The following STMN2 variants were observed in gnomAD, a reference collection of about 807,000 sequenced individuals.
STMN2 encodes stathmin 2.
Under a neutral mutation model 24.1 loss-of-function variants are expected in STMN2, and 2 were observed. That is an observed-to-expected ratio of 0.08 (90% CI 0.03 to 0.26). STMN2 has a LOEUF of 0.26. Among genes scored for constraint, STMN2 ranks in the 10% least tolerant of loss-of-function variants. The probability of loss-of-function intolerance (pLI) is 1.00; values close to 1 mark genes in which losing one functional copy is unlikely to be tolerated. For synonymous variants in STMN2, 83 were observed against 77.5 expected (o/e 1.07, Z -0.37); for missense variants, 114 against 213.6 (o/e 0.53, Z 2.91).
chr8:79,612,920 G>A (rs1809275266), intron 1 of STMN2, among the ~76,000 whole-genome samples: 1 of 152,120 alleles, frequency 6.6e-6, no homozygotes, highest in Non-Finnish European at 1.5e-5. Flanking sequence ...AGCACCCCTT[G>A]ATGTGCGCAG....
At position 79,655,075 on chromosome 8, in the gene STMN2, G is replaced by C; in HGVS notation, c.480+13G>C. 6.2e-7 allele frequency: 1 copy of C among 1,613,550 alleles called. No individual in the cohort carries two copies. The highest frequency in any genetic ancestry group is 8.5e-7 in the Non-Finnish European group (1 of 1,179,680). On this transcript the variant is annotated intron_variant, in intron 4 of 4. Transcript: ENST00000220876. ...TCTGCAGGAAAAGGTAATCTCAGCA[G>C]AGTCCTGAGCAGATGGATATATTCA...
At chr8:79,614,407 T>C (rs1809333327) in intron 1 of STMN2, among the ~76,000 whole-genome samples, 1 of 152,182 alleles carries the variant, frequency 6.6e-6, no homozygotes, top group Non-Finnish European at 1.5e-5. Context: ...TAACTAGAAA[T>C]GAAAAGCTGA....
chr8:79,634,060 C>T (rs1008752420), intron 1 of STMN2, among the ~76,000 whole-genome samples: 15 of 152,164 alleles, frequency 9.9e-5, no homozygotes, highest in African/African-American at 3.6e-4. Flanking sequence ...ATTGACCCTT[C>T]TTAATAAAGT....
chr8:79,664,768 A>G (rs537286798), intron 4 of STMN2, 47 bp from the exon 5 acceptor site: 21 of 1,599,578 alleles, frequency 1.3e-5, no homozygotes, highest in Admixed American at 1.7e-5. Flanking sequence ...GCAAAGGACC[A>G]GACAAAAAGG....
chr8:79,644,678 T>C (rs1350581795), intron 3 of STMN2, among the ~76,000 whole-genome samples: 2 of 152,196 alleles, frequency 1.3e-5, no homozygotes, highest in Admixed American at 1.3e-4. Flanking sequence ...AACAAAACTA[T>C]AGATGTCCAC....
At chr8:79,620,258 ATATGT>A (rs1424179621) in intron 1 of STMN2, among the ~76,000 whole-genome samples, 2 of 149,744 alleles carry the variant, frequency 1.3e-5, no homozygotes, top group Non-Finnish European at 3.0e-5. Context: ...TAATATATAA[ATATGT>A]TATATATCAT....
chr8:79,624,720 C>A (rs1809611978), intron 1 of STMN2, among the ~76,000 whole-genome samples: 1 of 152,136 alleles, frequency 6.6e-6, no homozygotes, highest in African/African-American at 2.4e-5. Context: ...GCTAAGAAGT[C>A]AAGAAGGATT....
intron 1 of STMN2, among the ~76,000 whole-genome samples, chr8:79,624,453 C>CAAAAAAAAAAAAA (rs1011493193): frequency 1.6e-4 from 7 of 45,106 alleles, no homozygotes; most frequent in Admixed American, 2.6e-4. Flanking sequence ...GACTCCGTCT[C>CAAAAAAAAAAAAA]AAAAAAAAAA....
rs547810740 is a variant in STMN2 at position 79,654,810 on chromosome 8, C to T, written c.289-61C>T. ...AAGAATGCTCCCTCCAATTGGTGGG[C>T]CGTTATTCTGCTAGGTTTGTGTTTG... On this transcript the variant is annotated intron_variant, in intron 3 of 4. Coordinates refer to ENST00000220876, the MANE Select transcript of STMN2 (RefSeq NM_007029.4). 3.9e-6 allele frequency: 6 copies of T among 1,545,592 alleles called. No individual in the cohort carries two copies. The African/African-American group carries it at 6.9e-5, about 18-fold the overall frequency.
chr8:79,625,106 C>A (rs551147572), intron 1 of STMN2, among the ~76,000 whole-genome samples: 1 of 152,274 alleles, frequency 6.6e-6, no homozygotes. Context: ...AGTCGAGTTT[C>A]AAATCTAATG....
chr8:79,636,535 G>A (rs779272354), intron 1 of STMN2, among the ~76,000 whole-genome samples: 1 of 151,646 alleles, frequency 6.6e-6, no homozygotes, highest in Non-Finnish European at 1.5e-5. Context: ...TAATTCCTTC[G>A]ACCTTCCTTT....
intron 4 of STMN2, among the ~76,000 whole-genome samples, chr8:79,656,883 T>G (rs1312165304): frequency 6.6e-6 from 1 of 150,516 alleles, no homozygotes; most frequent in Admixed American, 6.6e-5. Flanking sequence ...TTTGTTTGTT[T>G]GTTTTTTTGA....
At chr8:79,644,485 C>T (rs1331110576) in intron 3 of STMN2, among the ~76,000 whole-genome samples, 1 of 152,146 alleles carries the variant, frequency 6.6e-6, no homozygotes, top group African/African-American at 2.4e-5. Flanking sequence ...CAGGCCCAAC[C>T]CAGAACCAAT....
chr8:79,622,186 T>G (rs1210861942), intron 1 of STMN2, among the ~76,000 whole-genome samples: 1 of 152,130 alleles, frequency 6.6e-6, no homozygotes, highest in Admixed American at 6.5e-5. Context: ...ATTCTTAAAT[T>G]TATTAATCAT....
chr8:79,620,964 T>C (rs1809502570), intron 1 of STMN2: 3 of 985,120 alleles, frequency 3.0e-6, no homozygotes, highest in Non-Finnish European at 3.6e-6. Flanking sequence ...AAAACAGCAG[T>C]GACCTGTAGG....
intron 1 of STMN2, among the ~76,000 whole-genome samples, chr8:79,622,139 T>G (rs1809528762): frequency 6.6e-6 from 1 of 152,268 alleles, no homozygotes; most frequent in South Asian, 2.1e-4. Context: ...GTGGACATGG[T>G]TTTGAACCAT....
At chr8:79,642,158 T>G (rs928342756) in intron 3 of STMN2, among the ~76,000 whole-genome samples, 2 of 152,202 alleles carry the variant, frequency 1.3e-5, no homozygotes, top group African/African-American at 2.4e-5. Context: ...GTTCTTTGAA[T>G]ATGTTCTTTA....
chr8:79,661,142 T>C (rs1806492425), intron 4 of STMN2, among the ~76,000 whole-genome samples: 1 of 152,200 alleles, frequency 6.6e-6, no homozygotes, highest in African/African-American at 2.4e-5. Flanking sequence ...ATATAATTAC[T>C]TCTTTTCCTT....
intron 1 of STMN2, chr8:79,613,400 GC>G (rs1809296292): frequency 1.0e-6 from 1 of 985,290 alleles, no homozygotes; most frequent in South Asian, 4.7e-5. Flanking sequence ...TTGGGCGCTC[GC>G]CCCCGCGGTG....
Sources: gnomAD v4.1 joint callset for allele counts (sites outside exome capture counted in the v4.1 genomes callset) on GRCh38, gnomAD v4.1.1 for gene constraint, MANE v1.5 for transcripts, NCBI Gene and HGNC (gene_info 2026-07-23, HGNC 2026-07-21) for gene names.